Variants in PRKCZ observed in about 807,000 individuals in gnomAD.
The protein encoded by PRKCZ is protein kinase C zeta.
In PRKCZ, 33 loss-of-function variants were observed where a neutral mutation model predicts 79.5. The observed-to-expected ratio is 0.41, with a 90% CI of 0.31 to 0.55. The LOEUF (loss-of-function observed/expected upper bound fraction) is 0.55, where lower values mean the gene tolerates loss of function less well. PRKCZ is among the 20% of genes least tolerant of loss of function. The pLI is 0.19. For synonymous variants in PRKCZ, 342 were observed against 320.9 expected (o/e 1.07, Z -0.70); for missense variants, 578 against 813.5 (o/e 0.71, Z 3.52).
chr1:2,134,711 G>A (rs1483546636), intron 4 of PRKCZ: 1 of 152,288 alleles, frequency 6.6e-6, no homozygotes, highest in East Asian at 1.9e-4. Context: ...CCGGGGCCTC[G>A]CGCCGCTTGC....
chr1:2,102,042 G>T (rs1461878616), intron 4 of PRKCZ, among the ~76,000 whole-genome samples: 2 of 152,118 alleles, frequency 1.3e-5, no homozygotes, highest in African/African-American at 4.8e-5. Context: ...TGGAAAAATT[G>T]TCCAATTTCC....
intron 6 of PRKCZ, 183 bp downstream of exon 6, chr1:2,144,524 C>A: frequency 7.0e-7 from 1 of 1,418,914 alleles, no homozygotes. Context: ...TCTTCCTGAG[C>A]CCCCACAAGC....
At chr1:2,088,470 AT>A (rs1664914060) in intron 4 of PRKCZ, among the ~76,000 whole-genome samples, 1 of 152,134 alleles carries the variant, frequency 6.6e-6, no homozygotes, top group Non-Finnish European at 1.5e-5. Context: ...CTCCCTGGAC[AT>A]TTGCTGAACG....
At chr1:2,078,736 T>C (rs1355667232) in intron 4 of PRKCZ, among the ~76,000 whole-genome samples, 1 of 152,186 alleles carries the variant, frequency 6.6e-6, no homozygotes, top group Admixed American at 6.5e-5. Flanking sequence ...GTTTATGTTA[T>C]ATGCTAGGAG....
chr1:2,161,073 T>C (rs1316481977), intron 10 of PRKCZ, among the ~76,000 whole-genome samples: 1 of 152,132 alleles, frequency 6.6e-6, no homozygotes, highest in Non-Finnish European at 1.5e-5. Context: ...GTCACCTCCC[T>C]TTCAAAACCC....
chr1:2,113,324 G>A (rs1399749939), intron 4 of PRKCZ, among the ~76,000 whole-genome samples: 2 of 152,212 alleles, frequency 1.3e-5, no homozygotes, highest in East Asian at 3.9e-4. Context: ...CGTTCTCTTC[G>A]GTGGGCTGCC....
At chr1:2,113,743 G>A (rs1174648484) in intron 4 of PRKCZ, among the ~76,000 whole-genome samples, 1 of 152,156 alleles carries the variant, frequency 6.6e-6, no homozygotes, top group East Asian at 1.9e-4. Context: ...GAGAGTTGGG[G>A]CACAGAGGAC....
chr1:2,094,491 CGCCCTCTGT>C lies in PRKCZ; in HGVS notation c.334+34905_334+34913del, dbSNP rs1666087997. Among the ~76,000 whole-genome samples, 1 of 143,390 alleles carries C rather than the reference CGCCCTCTGT, an allele frequency of 7.0e-6. No homozygotes were observed. Among genetic ancestry groups the C allele is most frequent in the Non-Finnish European group, 1.5e-5 (1 of 66,000 alleles). 94.1% of individuals were successfully genotyped at this position (143,390 alleles called of 152,430 possible). A position where few individuals can be genotyped will look rare whatever the true frequency, so the allele number is the denominator to read the frequency against. ...ACCTTGGGCGCTGCCCGTTCTGAGGCGCCCTCTGTGCCCGGCTCGTTGAACCTTGGGCGC... is the reference window on the plus strand; with the variant it reads ...ACCTTGGGCGCTGCCCGTTCTGAGGCGCCCGGCTCGTTGAACCTTGGGCGC... On this transcript the variant is annotated intron_variant, in intron 4 of 17. Transcript: ENST00000378567. This position sits in a 1 kb window ranked among gnomAD's most constrained non-coding sequence, Gnocchi z 7.3.
intron 4 of PRKCZ, chr1:2,073,903 C>T (rs1661892855): frequency 9.4e-6 from 12 of 1,277,260 alleles, no homozygotes; most frequent in South Asian, 1.7e-5. Flanking sequence ...AAAGAATCTG[C>T]GCTGAGGAGG....
At chr1:2,052,730 T>C (rs1659796856) in intron 1 of PRKCZ, among the ~76,000 whole-genome samples, 1 of 152,126 alleles carries the variant, frequency 6.6e-6, no homozygotes, top group African/African-American at 2.4e-5. Flanking sequence ...ATGACACAGT[T>C]CCAGAAAGCG....
intron 10 of PRKCZ, among the ~76,000 whole-genome samples, chr1:2,167,073 G>A (rs61776610): frequency 0.033 from 5,016 of 151,640 alleles, 134 homozygotes; most frequent in Admixed American, 0.049. Flanking sequence ...TTGCTCTGAA[G>A]AAATGTCAAA....
chr1:2,116,930 C>T (rs1042271388), intron 4 of PRKCZ, among the ~76,000 whole-genome samples: 1 of 152,026 alleles, frequency 6.6e-6, no homozygotes, highest in African/African-American at 2.4e-5. Flanking sequence ...TATCTTTAGG[C>T]CTTTGATTGG....
Position 2,163,206 on chromosome 1 carries a change from C to T in PRKCZ, c.975-6312C>T, listed in dbSNP as rs148451607. Among the ~76,000 whole-genome samples the T allele has an allele frequency of 3.0e-3, 459 of 152,346 alleles. 1 individual carries two copies. The highest frequency in any genetic ancestry group is 0.01 in the African/African-American group (431 of 41,578). On this transcript the variant is annotated intron_variant, in intron 10 of 17. Transcript: ENST00000378567. Reference sequence around the variant, plus strand: ...GCGCAGTGCCATCCTCAAGGCAGAACGGAAGCATTTACCCATCTCGGGCAG... The same window carrying T: ...GCGCAGTGCCATCCTCAAGGCAGAATGGAAGCATTTACCCATCTCGGGCAG...
At chr1:2,105,486 G>A (rs1488999064) in intron 4 of PRKCZ, among the ~76,000 whole-genome samples, 2 of 152,300 alleles carry the variant, frequency 1.3e-5, no homozygotes, top group Admixed American at 1.3e-4. Context: ...TGCAACCTTC[G>A]CCTCCCGGGT....
At chr1:2,134,533 GCT>G (rs1675763859) in intron 4 of PRKCZ, among the ~76,000 whole-genome samples, 1 of 152,204 alleles carries the variant, frequency 6.6e-6, no homozygotes, top group African/African-American at 2.4e-5. Context: ...CTGGTTACAG[GCT>G]TGGTGCCGCC....
intron 4 of PRKCZ, among the ~76,000 whole-genome samples, chr1:2,077,443 C>T (rs80151664): frequency 0.024 from 3,601 of 152,274 alleles, 136 homozygotes; most frequent in African/African-American, 0.082. Context: ...TGTTCCTCAG[C>T]GAACCTTGAT....
chr1:2,171,039 T>C (rs1684318270), intron 11 of PRKCZ, among the ~76,000 whole-genome samples: 1 of 152,096 alleles, frequency 6.6e-6, no homozygotes. Context: ...ACATAAGAAT[T>C]CCATATTTAG....
In PRKCZ at chr1:2,075,800, G is replaced by A. The variant is rs1283456308; in HGVS notation, c.334+16209G>A. 2.0e-5 allele frequency among the ~76,000 whole-genome samples: 3 copies of A among 152,262 alleles called. No individual in the cohort carries two copies. Among genetic ancestry groups the A allele is most frequent in the Non-Finnish European group, 2.9e-5 (2 of 68,046 alleles). On this transcript the variant is annotated intron_variant, in intron 4 of 17. Transcript: ENST00000378567. The surrounding 1 kb of genome is among the most constrained non-coding windows in gnomAD (Gnocchi z 4.8). The stretch of plus-strand genomic sequence containing the variant: ...CACGGGGTCTGGTGGGGACCTGCCA[G>A]GGCTGTCAATGGCCCCAGTGGAGAG...
At chr1:2,090,345 C>T (rs946547647) in intron 4 of PRKCZ, among the ~76,000 whole-genome samples, 3 of 152,172 alleles carry the variant, frequency 2.0e-5, no homozygotes, top group Non-Finnish European at 4.4e-5. Context: ...AGAAGGGGCC[C>T]GTGCACCCAT....
Sources: gnomAD v4.1 joint callset for allele counts (sites outside exome capture counted in the v4.1 genomes callset) on GRCh38, gnomAD v4.1.1 for gene constraint, Gnocchi (gnomAD v3.1) non-coding constraint, MANE v1.5 for transcripts, NCBI Gene and HGNC (gene_info 2026-07-23, HGNC 2026-07-21) for gene names.